The following CSMD1 variants were observed in gnomAD, a reference collection of about 807,000 sequenced individuals.
CSMD1 encodes the protein CUB and Sushi multiple domains 1, also known as CUB and sushi domain-containing protein 1.
CSMD1 carries 213 observed loss-of-function variants against 417.5 expected under a neutral mutation model. That is an observed-to-expected ratio of 0.51 (90% confidence interval 0.46 to 0.57). The LOEUF is 0.57. Ranked by LOEUF, CSMD1 falls within the 20% of genes least tolerant of loss-of-function variation. The pLI is 0.00. For synonymous variants in CSMD1, 2,862 were observed against 1,736.8 expected, an observed-to-expected ratio of 1.65 and a Z score of -16.11; for missense variants, 6,923 against 4,529.7, an observed-to-expected ratio of 1.53 and a Z score of -15.17.
At chr8:3,425,392 A>G (rs903736133) in intron 12 of CSMD1, among the ~76,000 whole-genome samples, 2 of 151,920 alleles carry the variant, frequency 1.3e-5, no homozygotes, top group African/African-American at 4.8e-5. Context: ...GATCCAGACC[A>G]TCGTGGCCAA....
At chr8:3,140,119 G>A (rs1476268939) in intron 41 of CSMD1, among the ~76,000 whole-genome samples, 1 of 152,032 alleles carries the variant, frequency 6.6e-6, no homozygotes, top group Admixed American at 6.5e-5. Context: ...GGCCAGGTTG[G>A]TCTCAAACTC....
chr8:3,934,553 G>A lies in CSMD1; in HGVS notation c.818+63350C>T, dbSNP rs1052022030. Among the ~76,000 whole-genome samples the A allele has an allele frequency of 2.6e-5, 4 of 152,096 alleles. No homozygotes were observed. The East Asian group carries it at 5.8e-4, about 22-fold the overall frequency. On this transcript the variant is annotated intron_variant, in intron 5 of 69. Transcript: ENST00000635120. ...GTGCTGCCTTTATCACTAACTAAGG[G>A]TTAAACAATTGGTATATTTGGCCAG...
intron 5 of CSMD1, among the ~76,000 whole-genome samples, chr8:3,972,408 C>G (rs925327221): frequency 1.3e-5 from 2 of 152,106 alleles, no homozygotes; most frequent in African/African-American, 4.8e-5. Flanking sequence ...ATTAGAAAGT[C>G]AAGTGATTAA....
intron 18 of CSMD1, among the ~76,000 whole-genome samples, chr8:3,385,097 T>C (rs1311707814): frequency 2.9e-5 from 3 of 103,542 alleles, no homozygotes; most frequent in Non-Finnish European, 5.6e-5. Context: ...ATATAAAATA[T>C]ATATATAAAT....
chr8:4,883,597 G>T (rs1803549898), intron 1 of CSMD1, among the ~76,000 whole-genome samples: 1 of 151,982 alleles, frequency 6.6e-6, no homozygotes, highest in African/African-American at 2.4e-5. Context: ...TTTGTGGCTG[G>T]CTTCTTTCAC....
At chr8:3,434,174 G>A (rs920020089) in intron 12 of CSMD1, among the ~76,000 whole-genome samples, 1 of 152,270 alleles carries the variant, frequency 6.6e-6, no homozygotes, top group African/African-American at 2.4e-5. Context: ...GGCCATCATA[G>A]TAAATATTCC....
intron 1 of CSMD1, among the ~76,000 whole-genome samples, chr8:4,822,643 C>A (rs1324305411): frequency 6.6e-6 from 1 of 152,002 alleles, no homozygotes; most frequent in Non-Finnish European, 1.5e-5. Context: ...AAAAAAGATA[C>A]TTGAGATACT....
chr8:4,898,861 T>C (rs1022651978), intron 1 of CSMD1, among the ~76,000 whole-genome samples: 4 of 152,222 alleles, frequency 2.6e-5, no homozygotes, highest in Admixed American at 1.3e-4. Context: ...GTGGTTTATT[T>C]GTCTAAGTTT....
chr8:4,026,271 C>A (rs530900513), intron 4 of CSMD1, among the ~76,000 whole-genome samples: 2 of 152,020 alleles, frequency 1.3e-5, no homozygotes, highest in Admixed American at 1.3e-4. Flanking sequence ...TGTAATGGAA[C>A]GCAATTTGAA....
At chr8:3,777,667 G>C (rs1411051819) in intron 5 of CSMD1, among the ~76,000 whole-genome samples, 1 of 152,220 alleles carries the variant, frequency 6.6e-6, no homozygotes, top group African/African-American at 2.4e-5. Flanking sequence ...CCTCCTTGAA[G>C]TGCAGAGTCT....
intron 5 of CSMD1, among the ~76,000 whole-genome samples, chr8:3,802,394 G>A (rs1364714195): frequency 1.3e-5 from 2 of 152,110 alleles, no homozygotes; most frequent in East Asian, 3.9e-4. Flanking sequence ...AAGGGACAAT[G>A]TTGCATCATT....
intron 10 of CSMD1, among the ~76,000 whole-genome samples, chr8:3,537,115 T>C (rs1798235620): frequency 6.6e-6 from 1 of 152,114 alleles, no homozygotes; most frequent in Non-Finnish European, 1.5e-5. Flanking sequence ...GCAATTCCCC[T>C]GCCTCAGCCT....
intron 2 of CSMD1, among the ~76,000 whole-genome samples, chr8:4,540,825 G>C (rs1352506705): frequency 6.6e-6 from 1 of 151,866 alleles, no homozygotes; most frequent in Non-Finnish European, 1.5e-5. Flanking sequence ...TGATAAAACT[G>C]AGGCAAAAAA....
intron 23 of CSMD1, among the ~76,000 whole-genome samples, chr8:3,330,376 A>C (rs1806813473): frequency 6.6e-6 from 1 of 152,354 alleles, no homozygotes; most frequent in African/African-American, 2.4e-5. Flanking sequence ...CTGGATAAAG[A>C]AAGTATGGTA....
chr8:3,597,878 C>G (rs1801169055), intron 8 of CSMD1, among the ~76,000 whole-genome samples: 1 of 152,134 alleles, frequency 6.6e-6, no homozygotes, highest in Non-Finnish European at 1.5e-5. Context: ...GCAGAAATAC[C>G]TAATGTAAAT....
At chr8:4,537,828 G>A (rs934122570) in intron 2 of CSMD1, among the ~76,000 whole-genome samples, 2 of 152,164 alleles carry the variant, frequency 1.3e-5, no homozygotes, top group Admixed American at 1.3e-4. Flanking sequence ...AGCTGCGTAA[G>A]ATCCAGCAGA....
At chr8:3,411,315 G>A (rs951165015) in intron 12 of CSMD1, among the ~76,000 whole-genome samples, 2 of 152,134 alleles carry the variant, frequency 1.3e-5, no homozygotes, top group African/African-American at 2.4e-5. Flanking sequence ...GGGGCCAAGA[G>A]CAAATTCTTT....
At chr8:4,015,778 T>A (rs577665384) in intron 4 of CSMD1, among the ~76,000 whole-genome samples, 1 of 151,972 alleles carries the variant, frequency 6.6e-6, no homozygotes, top group Non-Finnish European at 1.5e-5. Flanking sequence ...ATCTTAAATG[T>A]ATGTGTTCAG....
chr8:4,862,107 A>C (rs1802170973), intron 1 of CSMD1, among the ~76,000 whole-genome samples: 1 of 151,950 alleles, frequency 6.6e-6, no homozygotes, highest in Non-Finnish European at 1.5e-5. Context: ...GGAAGGAAGG[A>C]GTGAGTCAGC....
Sources: gnomAD v4.1 joint callset for allele counts (sites outside exome capture counted in the v4.1 genomes callset) on GRCh38, gnomAD v4.1.1 for gene constraint, MANE v1.5 for transcripts, NCBI Gene and HGNC (gene_info 2026-07-23, HGNC 2026-07-21) for gene names.